Variants in RPS6KA2 observed in about 807,000 individuals in gnomAD.
The protein encoded by RPS6KA2 is ribosomal protein S6 kinase alpha-2.
Under a neutral mutation model 91.8 loss-of-function variants are expected in RPS6KA2, and 42 were observed. That is an observed-to-expected ratio of 0.46 (90% CI 0.36 to 0.59). The LOEUF (loss-of-function observed/expected upper bound fraction) is 0.59. Among genes scored for constraint, RPS6KA2 ranks in the 20% least tolerant of loss-of-function variants. The pLI is 0.00. For missense variants in RPS6KA2, 798 were observed against 978.5 expected (o/e 0.82, Z 2.46); for synonymous variants, 414 against 393.6 (o/e 1.05, Z -0.61).
In RPS6KA2 at chr6:166,586,232, C is replaced by T; in HGVS notation, c.99+40689G>A. 3 of 1,593,672 alleles carry T rather than the reference C, an allele frequency of 1.9e-6. No homozygotes were observed. The East Asian group carries it at 6.7e-5, about 36-fold the overall frequency. On this transcript the variant is annotated intron_variant, in intron 1 of 20. Transcript: ENST00000265678. ...AGTTGTTACCCCAGGATCGTCCATG[C>T]CACTGATTGGATCGATTGTCACTTG...
intron 2 of RPS6KA2, among the ~76,000 whole-genome samples, chr6:166,787,114 C>T (rs927613258): frequency 6.6e-6 from 1 of 152,082 alleles, no homozygotes; most frequent in Admixed American, 6.5e-5. Flanking sequence ...GTAAAATAAG[C>T]ATGTTTATAT....
chr6:166,417,550 C>T (rs1359823477), intron 19 of RPS6KA2, among the ~76,000 whole-genome samples: 1 of 152,014 alleles, frequency 6.6e-6, no homozygotes, highest in Non-Finnish European at 1.5e-5. Context: ...GCCGGCTGCC[C>T]TGCAGTCACA....
intron 11 of RPS6KA2, chr6:166,463,415 A>G (rs1316628569): frequency 6.6e-6 from 1 of 152,218 alleles, no homozygotes; most frequent in Admixed American, 6.5e-5. Context: ...AACCGACGAG[A>G]GAAAATGCAG....
chr6:166,469,989 G>A (rs1780701153), intron 10 of RPS6KA2, 84 bp from the exon 11 acceptor site: 1 of 1,256,672 alleles, frequency 8.0e-7, no homozygotes, highest in East Asian at 2.3e-5. Context: ...GTGGAGGGTG[G>A]GGATGTGCAG....
Position 166,418,380 on chromosome 6 carries a change from T to A in RPS6KA2, c.1821-38A>T, listed in dbSNP as rs1778611674. On this transcript the variant is annotated intron_variant, in intron 18 of 20. Coordinates refer to ENST00000265678, the MANE Select transcript of RPS6KA2 (RefSeq NM_021135.6). This position sits in a 1 kb window ranked among gnomAD's most constrained non-coding sequence, Gnocchi z 4.9. The stretch of plus-strand genomic sequence containing the variant: ...ACAAATTTGTGGTAATGAGCTTGTA[T>A]TTTACAACCTAAAATAAAGTTTGCA... 2.7e-6 allele frequency: 4 copies of A among 1,474,336 alleles called. No individual in the cohort carries two copies. The highest frequency in any genetic ancestry group is 3.8e-6 in the Non-Finnish European group (4 of 1,055,714). 91.3% of individuals were successfully genotyped at this position (1,474,336 alleles called of 1,614,324 possible). A position where few individuals can be genotyped will look rare whatever the true frequency, so the allele number is the denominator to read the frequency against.
At position 166,437,391 on chromosome 6, in the gene RPS6KA2, G is replaced by A. The variant is rs1779359249; in HGVS notation, c.1333-4901C>T. ...CAGGGAGGCCTTCTCAGCAAGCGTG[G>A]TGATGAACAAGGCCTCCCCTCCAGG... On this transcript the variant is annotated intron_variant, in intron 14 of 20. Transcript: ENST00000265678. This position sits in a 1 kb window ranked among gnomAD's most constrained non-coding sequence, Gnocchi z 4.3. Among the ~76,000 whole-genome samples the A allele has an allele frequency of 6.6e-6, 1 of 152,212 alleles. No individual in the cohort carries two copies. The highest frequency in any genetic ancestry group is 1.5e-5 in the Non-Finnish European group (1 of 68,036).
chr6:166,632,468 C>T lies in RPS6KA2; in HGVS notation c.124-93684G>A, dbSNP rs560776547. Among the ~76,000 whole-genome samples the T allele has an allele frequency of 3.3e-5, 5 of 152,030 alleles. No individual in the cohort carries two copies. The South Asian group carries it at 6.2e-4, about 19-fold the overall frequency. On this transcript the variant is annotated intron_variant, in intron 2 of 21. Transcript: ENST00000503859. Reference sequence around the variant, plus strand: ...TCTCTACTAAAAATACAAAATTAGCCGGGCATGGTGGCGCATGCCTGTAAT... The same window carrying T: ...TCTCTACTAAAAATACAAAATTAGCTGGGCATGGTGGCGCATGCCTGTAAT...
Position 166,696,113 on chromosome 6 carries a change from C to T in RPS6KA2, c.124-157329G>A, listed in dbSNP as rs191157602. Among the ~76,000 whole-genome samples the T allele has an allele frequency of 2.8e-3, 420 of 152,254 alleles. 5 individuals are homozygous for T. The highest frequency in any genetic ancestry group is 1.6e-3 in the African/African-American group (67 of 41,536). On this transcript the variant is annotated intron_variant, in intron 2 of 21. Coordinates refer to the RPS6KA2 transcript ENST00000503859. Reference sequence around the variant, plus strand: ...TCCCTGATGTCAAAAAGGTTGGGGACGGCCGTTTTAGGCTGCACAGCAACT... The same window carrying T: ...TCCCTGATGTCAAAAAGGTTGGGGATGGCCGTTTTAGGCTGCACAGCAACT...
chr6:166,551,815 T>A (rs1385749977), intron 1 of RPS6KA2, among the ~76,000 whole-genome samples: 2 of 152,156 alleles, frequency 1.3e-5, no homozygotes, highest in African/African-American at 4.8e-5. Flanking sequence ...CACAGAACAA[T>A]AACTTGAATG....
chr6:166,750,274 G>T (rs1583077648), intron 2 of RPS6KA2, among the ~76,000 whole-genome samples: 1 of 147,730 alleles, frequency 6.8e-6, no homozygotes, highest in Admixed American at 6.6e-5. Context: ...CTTCTCCCCT[G>T]GGGGGGTGCT....
intron 1 of RPS6KA2, among the ~76,000 whole-genome samples, chr6:166,613,899 T>TGGCCTTCAGGACACAGTCGGGCTTTCCAA (rs1786297628): frequency 7.1e-6 from 1 of 140,256 alleles, no homozygotes; most frequent in Non-Finnish European, 1.5e-5. Flanking sequence ...GGGCTTTCCA[T>TGGCCTTCAGGACACAGTCGGGCTTTCCAA]GGCCTTCAGG....
chr6:166,582,086 C>T (rs7772413), intron 1 of RPS6KA2, among the ~76,000 whole-genome samples: 102 of 75,564 alleles, frequency 1.3e-3, no homozygotes, highest in Middle Eastern at 8.3e-3. Context: ...GGGTGGGACG[C>T]CCACTGGGCA....
At chr6:166,623,797 A>C (rs1786733221) in intron 1 of RPS6KA2, among the ~76,000 whole-genome samples, 1 of 152,198 alleles carries the variant, frequency 6.6e-6, no homozygotes, top group Non-Finnish European at 1.5e-5. Flanking sequence ...TTTCCTCTAG[A>C]AACCCCCAAA....
intron 14 of RPS6KA2, among the ~76,000 whole-genome samples, chr6:166,446,484 G>A (rs772829827): frequency 7.9e-5 from 12 of 152,172 alleles, no homozygotes; most frequent in African/African-American, 1.9e-4. Flanking sequence ...CAGGAAGACC[G>A]GGCTCTTTCT....
chr6:166,493,560 G>T lies in RPS6KA2; in HGVS notation c.748-2819C>A, dbSNP rs79713478. The stretch of plus-strand genomic sequence containing the variant: ...AGTCAAGTACACGCACCGGGGGAGG[G>T]AGGGCACTCCAAAGGATTCTTTCCC... On this transcript the variant is annotated intron_variant, in intron 8 of 20. Coordinates refer to ENST00000265678, the MANE Select transcript of RPS6KA2 (RefSeq NM_021135.6). The surrounding 1 kb of genome is among the most constrained non-coding windows in gnomAD (Gnocchi z 4.7). Among the ~76,000 whole-genome samples, 36 of 152,204 alleles carry T rather than the reference G, an allele frequency of 2.4e-4. No homozygotes were observed. In the East Asian group the frequency reaches 6.4e-3, roughly 27 times the overall value.
At position 166,490,772 on chromosome 6, in the gene RPS6KA2, A is replaced by T; in HGVS notation, c.748-31T>A. The T allele has an allele frequency of 1.3e-6, 2 of 1,556,280 alleles. No homozygotes were observed. Among genetic ancestry groups the T allele is most frequent in the South Asian group, 1.1e-5 (1 of 89,012 alleles). ...GAGCAACACAGAGCACAGTGAGTTC[A>T]TTCATCCAGATGGACCCGGCTTCAC... On this transcript the variant is annotated intron_variant, in intron 8 of 20. Coordinates refer to ENST00000265678, the MANE Select transcript of RPS6KA2 (RefSeq NM_021135.6). This position sits in a 1 kb window ranked among gnomAD's most constrained non-coding sequence, Gnocchi z 4.2.
rs766476794 is a variant in RPS6KA2, at chr6:166,508,287, G to T, written c.380-5C>A. ...GCTTTCCTTCCGTCTGAAAGGCTGT[G>T]GGGGACAGAGACCCGCATTTTGACA... On this transcript the variant is annotated splice_polypyrimidine_tract_variant and splice_region_variant and intron_variant, in intron 4 of 20. Transcript: ENST00000265678. This position sits in a 1 kb window ranked among gnomAD's most constrained non-coding sequence, Gnocchi z 4.3. 6.8e-5 allele frequency: 109 copies of T among 1,601,584 alleles called. No individual in the cohort carries two copies. Among genetic ancestry groups the T allele is most frequent in the Non-Finnish European group, 9.1e-5 (106 of 1,168,860 alleles).
At chr6:166,580,006 G>A (rs1243733661) in intron 1 of RPS6KA2, among the ~76,000 whole-genome samples, 1 of 152,246 alleles carries the variant, frequency 6.6e-6, no homozygotes, top group African/African-American at 2.4e-5. Context: ...ACTTCATCAA[G>A]TTCAGCATTG....
intron 1 of RPS6KA2, among the ~76,000 whole-genome samples, chr6:166,614,111 C>G (rs1786307339): frequency 6.6e-6 from 1 of 152,240 alleles, no homozygotes; most frequent in Admixed American, 6.5e-5. Flanking sequence ...TTCATTCAGC[C>G]CTGCGGAGAT....
Sources: allele counts gnomAD v4.1 joint callset (sites outside exome capture counted in the v4.1 genomes callset), GRCh38; gene constraint gnomAD v4.1.1; non-coding constraint Gnocchi (gnomAD v3.1); transcripts MANE v1.5; gene names NCBI Gene and HGNC (gene_info 2026-07-23, HGNC 2026-07-21).